CASKIN2: variants seen among roughly 807,000 people sequenced by gnomAD.
The protein encoded by CASKIN2 is caskin-2.
Under a neutral mutation model 107.1 loss-of-function variants are expected in CASKIN2, and 41 were observed. That is an observed-to-expected ratio of 0.38 (90% confidence interval 0.30 to 0.50). The LOEUF (loss-of-function observed/expected upper bound fraction) is 0.50, where lower values mean the gene tolerates loss of function less well. CASKIN2 is among the 20% of genes least tolerant of loss of function. CASKIN2 has a pLI of 0.92. For synonymous variants in CASKIN2, 724 were observed against 705.6 expected (o/e 1.03, Z -0.41); for missense variants, 1,546 against 1,657.4 (o/e 0.93, Z 1.17).
At position 75,501,842 on chromosome 17, in the gene CASKIN2, G is replaced by A. The variant is rs545113178; in HGVS notation, c.3232C>T (p.Arg1078Trp). The change falls in exon 18 of 20, where the codon CGG (arginine) becomes TGG (tryptophan). Residue 1078 changes from arginine (R) to tryptophan (W), a missense_variant. Arg to Trp is a moderately radical substitution (Grantham distance 101). Coordinates refer to ENST00000321617, the MANE Select transcript of CASKIN2 (RefSeq NM_020753.5). ...GGGGGTTCTGTCTCCCCATTCCACC[G>A]ACTAGCTGCTGAGCTTTCCAGACCT... ...GPGLESSAAS[R>W]WNGETEPPAA... The A allele has an allele frequency of 2.1e-5, 32 of 1,557,952 alleles. 1 individual carries two copies. In the South Asian group the frequency reaches 3.1e-4, roughly 15 times the overall value.
Position 75,501,916 on chromosome 17 carries a change from AG to A in CASKIN2, c.3157del (p.Ala1054LeufsTer66). 1.3e-6 allele frequency: 2 copies of A among 1,581,538 alleles called. No homozygotes were observed. The highest frequency in any genetic ancestry group is 2.2e-5 in the East Asian group (1 of 44,522). The part of the protein sequence containing the change: ...SLPAQGVPTP[L>X]APSPAMQPPV... Reference sequence around the variant, plus strand: ...AGGCTGCATGGCGGGGCTGGGAGCAAGGGGGGTTGGAACTCCTTGGGCTGGA... The same window carrying A: ...AGGCTGCATGGCGGGGCTGGGAGCAAGGGGGTTGGAACTCCTTGGGCTGGA... On this transcript the variant is annotated frameshift_variant, in exon 18 of 20. Transcript: ENST00000321617. LOFTEE classifies it high-confidence loss of function.
At position 75,502,138 on chromosome 17, in the gene CASKIN2, CCGGGGGGCACGGGTGTCTCTCGGGG is replaced by C; in HGVS notation, c.2911_2935del (p.Pro971AlafsTer141). 1 of 1,603,900 alleles carries C rather than the reference CCGGGGGGCACGGGTGTCTCTCGGGG, an allele frequency of 6.2e-7. No homozygotes were observed. The highest frequency in any genetic ancestry group is 2.2e-5 in the East Asian group (1 of 44,838). ...TGATTCCGTGAGGTTGAAATCGAGG[CCGGGGGGCACGGGTGTCTCTCGGGG>C]CGGGGGGCCAGCGGGCTTCGGGCGC... On this transcript the variant is annotated frameshift_variant, in exon 18 of 20. Transcript: ENST00000321617. LOFTEE classifies it high-confidence loss of function. The surrounding 1 kb of genome is among the most constrained non-coding windows in gnomAD (Gnocchi z 4.3).
rs781022681 is a variant in CASKIN2 at position 75,505,919 on chromosome 17, T to C, written c.737A>G (p.Asp246Gly). The C allele has an allele frequency of 2.8e-5, 45 of 1,613,340 alleles. No individual in the cohort carries two copies. In the East Asian group the frequency reaches 7.8e-4, roughly 28 times the overall value. ...VVRLLLEGGV[D>G]VNIRNTYNQT... is the part of the protein sequence containing the mutation. Reference sequence around the variant, plus strand: ...GTTATACGTATTCCGGATGTTCACGTCCACACCTCCCTGGGTGCACAGTGT... The same window carrying C: ...GTTATACGTATTCCGGATGTTCACGCCCACACCTCCCTGGGTGCACAGTGT... The change falls in exon 9 of 20, where the codon GAC (aspartate) becomes GGC (glycine). Residue 246 changes from aspartate to glycine, a missense_variant. Physicochemically the swap from Asp to Gly is moderately conservative, Grantham distance 94 (BLOSUM62 -1). Coordinates refer to ENST00000321617, the MANE Select transcript of CASKIN2 (RefSeq NM_020753.5). The surrounding 1 kb of genome is among the most constrained non-coding windows in gnomAD (Gnocchi z 5.1).
intron 2 of CASKIN2, chr17:75,509,600 G>A: frequency 1.0e-6 from 1 of 985,720 alleles, no homozygotes; most frequent in Non-Finnish European, 1.2e-6. Context: ...TTTTCCTCCA[G>A]TCCCCTTGGA....
In CASKIN2 at chr17:75,508,241, C is replaced by T; in HGVS notation, c.139G>A (p.Ala47Thr). ...TKRLNVNYQD[A>T]DGFSALHHAA... The stretch of plus-strand genomic sequence containing the variant: ...ACAGGGGCTCCCACTCACCCATCAG[C>T]ATCCTGGTAGTTCACGTTGAGCCTC... Residue 47 changes from alanine to threonine, a missense_variant, in exon 3 of 20, where the codon GCT becomes ACT. Transcript: ENST00000321617. 3 of 1,613,940 alleles carry T rather than the reference C, an allele frequency of 1.9e-6. No individual in the cohort carries two copies. Among genetic ancestry groups the T allele is most frequent in the Non-Finnish European group, 2.5e-6 (3 of 1,179,910 alleles).
rs539689855 is a variant in CASKIN2 at position 75,504,730 on chromosome 17, G to A, written c.1193-37C>T. 3.8e-6 allele frequency: 6 copies of A among 1,578,792 alleles called. No homozygotes were observed. In the South Asian group the frequency reaches 5.8e-5, roughly 15 times the overall value. ...AGAAGCCAAGGGGTCAGAGTCCCAA[G>A]TGTCGCTCTGACAGCTGTCTGGCAG... On this transcript the variant is annotated intron_variant, in intron 11 of 19. Transcript: ENST00000321617.
At chr17:75,509,435 C>G (rs992438623) in intron 2 of CASKIN2, 2 of 357,996 alleles carry the variant, frequency 5.6e-6, no homozygotes, top group Admixed American at 1.3e-4. Flanking sequence ...AGGGGAGGGA[C>G]CAACCTGGCA....
At position 75,501,098 on chromosome 17, in the gene CASKIN2, C is replaced by A; in HGVS notation, c.3591G>T (p.Leu1197=). ...GGAGGGCTCAGTCCAGCATGGCGTC[C>A]AGCTGGTCAGCCAGGGCGTCGAACA... is the stretch of plus-strand genomic sequence containing the variant. ...STMFDALADQ[L]DAMLD Residue 1197 remains leucine (L), a synonymous_variant, in exon 20 of 20, where the codon CTG becomes CTT. Transcript: ENST00000321617. 6.3e-7 allele frequency: 1 copy of A among 1,581,084 alleles called. No individual in the cohort carries two copies. The highest frequency in any genetic ancestry group is 8.6e-7 in the Non-Finnish European group (1 of 1,163,556).
Position 75,502,512 on chromosome 17 carries a change from A to G in CASKIN2, c.2562T>C (p.Pro854=). 6.8e-7 allele frequency: 1 copy of G among 1,473,738 alleles called. No homozygotes were observed. The highest frequency in any genetic ancestry group is 9.0e-7 in the Non-Finnish European group (1 of 1,107,700). 91.3% of individuals were successfully genotyped at this position (1,473,738 alleles called of 1,614,324 possible). Residue 854 remains proline, a synonymous_variant, in exon 18 of 20, where the codon CCT becomes CCC. Transcript: ENST00000321617. The surrounding 1 kb of genome is among the most constrained non-coding windows in gnomAD (Gnocchi z 4.3). The part of the protein sequence containing the change: ...SVTPTPARGT[P]RSQSFALRAR... ...CCCGCAGGGCAAAGGACTGGCTGCG[A>G]GGAGTCCCCCGAGCTGGGGTTGGGG...
intron 3 of CASKIN2, chr17:75,507,938 T>A: frequency 1.7e-6 from 1 of 581,056 alleles, no homozygotes; most frequent in Non-Finnish European, 3.1e-6. Context: ...AGCAGGAGCC[T>A]GAGGGCTCCT....
At position 75,502,716 on chromosome 17, in the gene CASKIN2, G is replaced by A. The variant is rs1406467622; in HGVS notation, c.2358C>T (p.Ala786=). 1.3e-6 allele frequency: 2 copies of A among 1,578,370 alleles called. No homozygotes were observed. The highest frequency in any genetic ancestry group is 1.3e-5 in the African/African-American group (1 of 74,164). ...TAGGTCGAGGCGGGTCTGGGGGAGT[G>A]GCAGGGGGCCCGGCCAAGTAGGAGA... The part of the protein sequence containing the change: ...WAFSYLAGPP[A]TPPDPPRPKR... The change falls in exon 18 of 20, where the codon GCC becomes GCT. Residue 786 remains alanine, a synonymous_variant. Transcript: ENST00000321617. This position sits in a 1 kb window ranked among gnomAD's most constrained non-coding sequence, Gnocchi z 4.3.
At chr17:75,513,225 AGG>A (rs1214850564) in intron 2 of CASKIN2, among the ~76,000 whole-genome samples, 1 of 152,012 alleles carries the variant, frequency 6.6e-6, no homozygotes, top group African/African-American at 2.4e-5. Flanking sequence ...GGATCACTTG[AGG>A]TCTGGAGTTC....
In CASKIN2 at chr17:75,502,279, T is replaced by C. The variant is rs569181021; in HGVS notation, c.2795A>G (p.Glu932Gly). Residue 932 changes from glutamate (E) to glycine (G), a missense_variant, in exon 18 of 20, where the codon GAG (glutamate) becomes GGG (glycine). Glu to Gly is a moderately conservative substitution (Grantham distance 98). Coordinates refer to ENST00000321617, the MANE Select transcript of CASKIN2 (RefSeq NM_020753.5). The surrounding 1 kb of genome is among the most constrained non-coding windows in gnomAD (Gnocchi z 4.3). The part of the protein sequence containing the change: ...PAGPASDTEE[E>G]EPGPEGTPPS... ...GGGCGTCCCCTCAGGGCCTGGCTCCTCCTCCTCCGTGTCTGACGCGGGCCC... is the reference window on the plus strand; with the variant it reads ...GGGCGTCCCCTCAGGGCCTGGCTCCCCCTCCTCCGTGTCTGACGCGGGCCC... 6 of 1,516,858 alleles carry C rather than the reference T, an allele frequency of 4.0e-6. No individual in the cohort carries two copies. In the East Asian group the frequency reaches 9.2e-5, roughly 23 times the overall value. 94.0% of individuals were successfully genotyped at this position (1,516,858 alleles called of 1,614,324 possible). A position where few individuals can be genotyped will look rare whatever the true frequency, so the allele number is the denominator to read the frequency against.
rs143149297 is a variant in CASKIN2, at chr17:75,501,094, C to A, written c.3595G>T (p.Ala1199Ser). Residue 1199 changes from alanine to serine, a missense_variant, in exon 20 of 20, where the codon GCC becomes TCC. Physicochemically the swap from Ala to Ser is moderately conservative, Grantham distance 99. Transcript: ENST00000321617. ...MFDALADQLD[A>S]MLD ...TGCTGGAGGGCTCAGTCCAGCATGG[C>A]GTCCAGCTGGTCAGCCAGGGCGTCG... 7.6e-6 allele frequency: 12 copies of A among 1,578,100 alleles called. No individual in the cohort carries two copies. In the African/African-American group the frequency reaches 1.2e-4, roughly 16 times the overall value.
intron 2 of CASKIN2, among the ~76,000 whole-genome samples, chr17:75,512,758 G>C (rs1410037779): frequency 6.6e-6 from 1 of 152,034 alleles, no homozygotes; most frequent in Non-Finnish European, 1.5e-5. Context: ...AAATTAGCCA[G>C]GCGTTGTGTC....
rs777910104 is a variant in CASKIN2, at chr17:75,504,565, A to ATCC, written c.1314+4_1314+6dup. 1 of 1,595,596 alleles carries ATCC rather than the reference A, an allele frequency of 6.3e-7. No individual in the cohort carries two copies. The highest frequency in any genetic ancestry group is 1.1e-5 in the South Asian group (1 of 90,036). On this transcript the variant is annotated splice_region_variant and intron_variant, in intron 12 of 19. Transcript: ENST00000321617. ...CCCTGACCTGGTCCGTGACCCCATC[A>ATCC]TCCTACCTGGGCGTTCTCAATCAGG...
At chr17:75,509,022 G>A (rs564452139) in intron 2 of CASKIN2, among the ~76,000 whole-genome samples, 129 of 152,366 alleles carry the variant, frequency 8.5e-4, no homozygotes, top group Admixed American at 2.0e-3. Flanking sequence ...TCCCCACTGG[G>A]ATCTCCATGG....
Position 75,513,752 on chromosome 17 carries a change from C to G in CASKIN2, c.53G>C (p.Gly18Ala). The change falls in exon 2 of 20, where the codon GGT becomes GCT. Residue 18 changes from glycine (G) to alanine (A), a missense_variant. Gly to Ala is a moderately conservative substitution (Grantham distance 60). Transcript: ENST00000321617. ...ILAVKNGDVTGVQKLVAKVKA... is the reference protein window; with the variant it reads ...ILAVKNGDVTAVQKLVAKVKA... ...GACCTTCGCCACCAGTTTCTGCACA[C>G]CGGTCACATCTCCATTCTTGACGGC... The G allele has an allele frequency of 6.2e-7, 1 of 1,613,876 alleles. No individual in the cohort carries two copies. Among genetic ancestry groups the G allele is most frequent in the African/African-American group, 1.3e-5 (1 of 75,048 alleles).
intron 1 of CASKIN2, 72 bp from the exon 2 acceptor site, chr17:75,514,280 G>A (rs892280405): frequency 1.7e-5 from 7 of 414,138 alleles, no homozygotes; most frequent in Non-Finnish European, 3.0e-5. Flanking sequence ...GGAGTGCAGA[G>A]GATGAGCAGG....
Sources: gnomAD v4.1 joint callset for allele counts (sites outside exome capture counted in the v4.1 genomes callset) on GRCh38, gnomAD v4.1.1 for gene constraint, Gnocchi (gnomAD v3.1) non-coding constraint, MANE v1.5 for transcripts, NCBI Gene and HGNC (gene_info 2026-07-23, HGNC 2026-07-21) for gene names.